Variants in COL25A1 observed in about 807,000 individuals in gnomAD.
The protein encoded by COL25A1 is collagen type XXV alpha 1 chain.
In COL25A1, 103 loss-of-function variants were observed where a neutral mutation model predicts 128.4. The ratio of observed to expected loss-of-function variants is 0.80; its 90% CI spans 0.68 to 0.94. COL25A1 has a LOEUF of 0.94. Among genes scored for constraint, COL25A1 ranks in the 40% least tolerant of loss-of-function variants. The pLI, the probability that COL25A1 is intolerant of heterozygous loss-of-function variation, is 0.00. For synonymous variants in COL25A1, 279 were observed against 277.2 expected (o/e 1.01, Z -0.06); for missense variants, 745 against 840.0 (o/e 0.89, Z 1.40).
chr4:108,878,252 A>C (rs962811724), intron 19 of COL25A1, among the ~76,000 whole-genome samples: 1 of 152,068 alleles, frequency 6.6e-6, no homozygotes, highest in South Asian at 2.1e-4. Flanking sequence ...CTCTAAAAAA[A>C]CCTCTAGTAT....
At chr4:108,966,250 C>T (rs979137870) in intron 8 of COL25A1, among the ~76,000 whole-genome samples, 3 of 124,788 alleles carry the variant, frequency 2.4e-5, no homozygotes, top group African/African-American at 8.9e-5. Context: ...TATGGCCATT[C>T]ATCCATTCAT....
At chr4:109,249,615 C>A (rs1212110754) in intron 3 of COL25A1, among the ~76,000 whole-genome samples, 2 of 152,078 alleles carry the variant, frequency 1.3e-5, no homozygotes, top group Admixed American at 1.3e-4. Flanking sequence ...GGTTTTAAAT[C>A]TTTGCATCTA....
chr4:108,827,221 A>C, intron 32 of COL25A1, 33 bp from the exon 33 acceptor site: 1 of 1,551,194 alleles, frequency 6.4e-7, no homozygotes, highest in Non-Finnish European at 8.9e-7. Flanking sequence ...CAAATCATAC[A>C]CACCCACCTA....
chr4:109,035,642 A>C (rs17039680), intron 5 of COL25A1, among the ~76,000 whole-genome samples: 1 of 152,076 alleles, frequency 6.6e-6, no homozygotes, highest in East Asian at 1.9e-4. Flanking sequence ...CTCCTTCTCA[A>C]TGATGAATAG....
chr4:108,888,205 A>G (rs917012627), intron 18 of COL25A1, among the ~76,000 whole-genome samples: 1 of 152,124 alleles, frequency 6.6e-6, no homozygotes, highest in Non-Finnish European at 1.5e-5. Flanking sequence ...AATTATGTCC[A>G]TCCTAAGTGT....
chr4:109,098,406 C>T (rs771809936), intron 3 of COL25A1, among the ~76,000 whole-genome samples: 1 of 152,128 alleles, frequency 6.6e-6, no homozygotes, highest in Admixed American at 6.5e-5. Context: ...GATACCAGCA[C>T]CTGCTTTAAT....
At chr4:109,239,454 T>C (rs1436668324) in intron 3 of COL25A1, among the ~76,000 whole-genome samples, 1 of 148,460 alleles carries the variant, frequency 6.7e-6, no homozygotes, top group Non-Finnish European at 1.5e-5. Flanking sequence ...ATTGTATTGC[T>C]TGTAGGCTAC....
At chr4:109,286,632 ATGG>A (rs1184010230) in intron 3 of COL25A1, among the ~76,000 whole-genome samples, 1 of 152,154 alleles carries the variant, frequency 6.6e-6, no homozygotes, top group East Asian at 1.9e-4. Context: ...AGTCTTGGTT[ATGG>A]AAGCCAAGGA....
intron 5 of COL25A1, among the ~76,000 whole-genome samples, chr4:109,016,923 G>A (rs1248558571): frequency 2.6e-5 from 4 of 152,218 alleles, no homozygotes; most frequent in Admixed American, 2.6e-4. Flanking sequence ...TGGCAAGACT[G>A]AAAGAGCTGT....
intron 32 of COL25A1, among the ~76,000 whole-genome samples, chr4:108,828,870 CTG>C (rs927157183): frequency 8.5e-5 from 13 of 152,286 alleles, no homozygotes; most frequent in African/African-American, 3.1e-4. Flanking sequence ...CCTGATATGC[CTG>C]TGTTTCTCCA....
intron 5 of COL25A1, among the ~76,000 whole-genome samples, chr4:109,036,256 T>G (rs1379495249): frequency 6.6e-6 from 1 of 152,144 alleles, no homozygotes; most frequent in African/African-American, 2.4e-5. Context: ...GGATTTTTTT[T>G]TCCCCTCTAA....
Position 108,864,776 on chromosome 4 carries a change from T to A in COL25A1, c.1084-1389A>T, listed in dbSNP as rs376120611. On this transcript the variant is annotated intron_variant, in intron 20 of 37. Coordinates refer to ENST00000399132, the MANE Select transcript of COL25A1 (RefSeq NM_198721.4). ...TGTTAATGACTGTAGCATGGATGAG[T>A]GCAGAAACTGCACAAAACACTTTAC... Among the ~76,000 whole-genome samples the A allele has an allele frequency of 2.4e-4, 37 of 152,272 alleles. No homozygotes were observed. In the South Asian group the frequency reaches 7.7e-3, roughly 32 times the overall value.
chr4:108,940,585 G>C lies in COL25A1; in HGVS notation c.626C>G (p.Pro209Arg). Residue 209 changes from proline to arginine, a missense_variant, in exon 10 of 38, where the codon CCT becomes CGT. Pro to Arg is a moderately radical substitution (Grantham distance 103). Transcript: ENST00000399132. Reference sequence around the variant, plus strand: ...GGGGCCATCTTTCCCTGTGTCCCCAGGTGGCCCTCTTGGGCCTGGAGGGCC... The same window carrying C: ...GGGGCCATCTTTCCCTGTGTCCCCACGTGGCCCTCTTGGGCCTGGAGGGCC... ...PPGPPGPRGPPGDTGKDGPRG... is the reference protein window; with the variant it reads ...PPGPPGPRGPRGDTGKDGPRG... 6.2e-7 allele frequency: 1 copy of C among 1,613,460 alleles called. No homozygotes were observed. The highest frequency in any genetic ancestry group is 1.3e-5 in the African/African-American group (1 of 75,062).
chr4:109,024,405 G>A (rs1057150256), intron 5 of COL25A1, among the ~76,000 whole-genome samples: 3 of 151,560 alleles, frequency 2.0e-5, no homozygotes, highest in Non-Finnish European at 4.4e-5. Flanking sequence ...ACAAAATACA[G>A]ATTATATATT....
At chr4:109,014,428 GA>G (rs5860964) in intron 5 of COL25A1, among the ~76,000 whole-genome samples, 77,717 of 152,102 alleles carry the variant, frequency 0.51, 22,601 homozygotes, top group African/African-American at 0.78. Context: ...TTCTTCAAAT[GA>G]AAAATTTGTT....
chr4:108,862,585 T>C (rs964075567), intron 21 of COL25A1, 40 bp from the exon 22 acceptor site: 8 of 1,539,186 alleles, frequency 5.2e-6, no homozygotes, highest in Middle Eastern at 1.7e-4. Context: ...GATAAAATTA[T>C]AGAAGAGATA....
At chr4:109,004,083 C>G (rs1015385470) in intron 6 of COL25A1, among the ~76,000 whole-genome samples, 2 of 152,044 alleles carry the variant, frequency 1.3e-5, no homozygotes, top group African/African-American at 4.8e-5. Flanking sequence ...TTCTAATACC[C>G]TTTCACCATC....
chr4:109,241,812 C>A (rs752825051), intron 3 of COL25A1, among the ~76,000 whole-genome samples: 12 of 152,002 alleles, frequency 7.9e-5, no homozygotes, highest in South Asian at 2.1e-4. Context: ...GTTAGTGGAA[C>A]CTAGTAACCC....
intron 3 of COL25A1, among the ~76,000 whole-genome samples, chr4:109,228,350 C>T (rs922051735): frequency 6.6e-6 from 1 of 152,128 alleles, no homozygotes; most frequent in South Asian, 2.1e-4. Flanking sequence ...ACACACATCT[C>T]TTTAAACCAT....
Sources: allele counts gnomAD v4.1 joint callset (sites outside exome capture counted in the v4.1 genomes callset), GRCh38; gene constraint gnomAD v4.1.1; transcripts MANE v1.5; gene names NCBI Gene and HGNC (gene_info 2026-07-23, HGNC 2026-07-21).